Variants in MRAP observed in about 807,000 individuals in gnomAD.
MRAP encodes melanocortin 2 receptor accessory protein, also known as melanocortin-2 receptor accessory protein.
In MRAP, 8 loss-of-function variants were observed where a neutral mutation model predicts 8.7. That is an observed-to-expected ratio of 0.92 (90% CI 0.54 to 1.66). The LOEUF (loss-of-function observed/expected upper bound fraction) is 1.66, where lower values mean the gene tolerates loss of function less well. Among genes scored for constraint, MRAP ranks in the 40% most tolerant of loss-of-function variants. The pLI is 0.00. For missense variants in MRAP, 237 were observed against 217.1 expected (o/e 1.09, Z -0.58); for synonymous variants, 95 against 95.5 (o/e 1.00, Z 0.03).
downstream of MRAP, chr21:32,314,682 G>C (rs146921552): frequency 1.2e-6 from 2 of 1,601,762 alleles, no homozygotes; most frequent in Non-Finnish European, 8.6e-7. Flanking sequence ...TCATGGCCTA[G>C]AAGTCCCCAC....
chr21:32,308,816 G>A (rs954985417), intron 2 of MRAP: 1 of 152,668 alleles, frequency 6.6e-6, no homozygotes, highest in African/African-American at 2.4e-5. Context: ...TCCAGGAGGA[G>A]GACTAGGGCT....
chr21:32,306,097 A>G (rs1041627725), intron 1 of MRAP, among the ~76,000 whole-genome samples: 4 of 152,154 alleles, frequency 2.6e-5, no homozygotes, highest in African/African-American at 9.7e-5. Context: ...TCCAGGCATG[A>G]GCAGACCTAG....
At chr21:32,302,411 A>G (rs1380307528) in intron 1 of MRAP, among the ~76,000 whole-genome samples, 1 of 152,256 alleles carries the variant, frequency 6.6e-6, no homozygotes, top group Non-Finnish European at 1.5e-5. Flanking sequence ...ACTCCATGGT[A>G]GAGAGAGGAT....
chr21:32,303,355 GTTTA>G (rs2032332833), intron 1 of MRAP, among the ~76,000 whole-genome samples: 1 of 152,158 alleles, frequency 6.6e-6, no homozygotes, highest in South Asian at 2.1e-4. Flanking sequence ...TGCTAAAACT[GTTTA>G]TTTAACAAAA....
At chr21:32,312,347 T>C (rs1342929478), downstream of MRAP, 7 of 1,208,714 alleles carry the variant, frequency 5.8e-6, no homozygotes, top group Non-Finnish European at 2.1e-6. Flanking sequence ...TAATGCGTTA[T>C]CAGCCCTGAG....
intron 1 of MRAP, among the ~76,000 whole-genome samples, chr21:32,305,171 A>C (rs2032385546): frequency 6.6e-6 from 1 of 151,758 alleles, no homozygotes; most frequent in South Asian, 2.1e-4. Flanking sequence ...GGGTCTTGCT[A>C]TGTTGTCCAG....
rs767344189 is a variant in MRAP at position 32,306,613 on chromosome 21, GC to G, written c.107-26del. The stretch of plus-strand genomic sequence containing the variant: ...TTGCTTTATGTTGACATAACCCAGC[GC>G]TGAGATGCATCTCCTCCTCCCGCAG... On this transcript the variant is annotated intron_variant, in intron 1 of 2. Coordinates refer to ENST00000303645, the MANE Select transcript of MRAP (RefSeq NM_001379228.1). 57 of 1,600,500 alleles carry G rather than the reference GC, an allele frequency of 3.6e-5. No homozygotes were observed. In the Admixed American group the frequency reaches 9.5e-4, roughly 27 times the overall value.
At chr21:32,304,074 C>T (rs1466037395) in intron 1 of MRAP, among the ~76,000 whole-genome samples, 3 of 152,164 alleles carry the variant, frequency 2.0e-5, no homozygotes, top group African/African-American at 7.2e-5. Flanking sequence ...TCCCTTAGAT[C>T]CCTGGTAGAA....
At chr21:32,293,607 G>A (rs1035731677) in intron 2 of MRAP, among the ~76,000 whole-genome samples, 10 of 152,000 alleles carry the variant, frequency 6.6e-5, no homozygotes, top group African/African-American at 1.2e-4. Context: ...CGTTTGTGCC[G>A]TCTCCCTCTC....
intron 1 of MRAP, 126 bp from the exon 2 acceptor site, chr21:32,306,514 G>A: frequency 1.3e-6 from 1 of 746,070 alleles, no homozygotes; most frequent in Non-Finnish European, 2.4e-6. Context: ...GGTAACAGCT[G>A]AGAGGCTGGA....
intron 1 of MRAP, among the ~76,000 whole-genome samples, chr21:32,299,987 C>G (rs1169010370): frequency 2.0e-5 from 3 of 152,174 alleles, no homozygotes; most frequent in Non-Finnish European, 4.4e-5. Context: ...AGAAACAAAA[C>G]AAAAACAAAG....
At chr21:32,295,991 A>T (rs1418753724), upstream of MRAP, among the ~76,000 whole-genome samples, 2 of 152,130 alleles carry the variant, frequency 1.3e-5, no homozygotes, top group Non-Finnish European at 2.9e-5. Context: ...ACAAAACAAA[A>T]CAAAACAAAA....
upstream of MRAP, among the ~76,000 whole-genome samples, chr21:32,297,479 C>T (rs923362366): frequency 5.3e-5 from 8 of 152,206 alleles, no homozygotes; most frequent in Admixed American, 6.5e-5. Context: ...AGGGTGTGCA[C>T]CTGGATCAGG....
chr21:32,297,414 C>T (rs1408141488), upstream of MRAP, among the ~76,000 whole-genome samples: 2 of 152,180 alleles, frequency 1.3e-5, no homozygotes, highest in Non-Finnish European at 2.9e-5. Flanking sequence ...TACAAAAACC[C>T]TCCTCAAGGG....
intron 1 of MRAP, 69 bp downstream of exon 1, chr21:32,299,146 C>A: frequency 1.6e-6 from 2 of 1,213,074 alleles, no homozygotes; most frequent in South Asian, 2.5e-5. Context: ...TGGGCACTCC[C>A]GGCTTTCTCT....
upstream of MRAP, among the ~76,000 whole-genome samples, chr21:32,293,857 GCA>G (rs1469108020): frequency 6.6e-6 from 1 of 151,532 alleles, no homozygotes; most frequent in African/African-American, 2.4e-5. Flanking sequence ...TGTCAAAGGG[GCA>G]ACATTTTTTT....
chr21:32,305,204 C>T (rs1276404696), intron 1 of MRAP, among the ~76,000 whole-genome samples: 2 of 151,952 alleles, frequency 1.3e-5, no homozygotes, highest in African/African-American at 2.4e-5. Flanking sequence ...CTCCTGGACT[C>T]GAGTGATCCA....
downstream of MRAP, chr21:32,314,740 T>A: frequency 5.4e-6 from 8 of 1,468,712 alleles, no homozygotes; most frequent in Non-Finnish European, 7.6e-6. Context: ...GAGTTTATCA[T>A]TTACTGGGCA....
chr21:32,300,741 AGTGTGTCGTGCGTCCTATGT>A (rs2032263399), intron 1 of MRAP, among the ~76,000 whole-genome samples: 1 of 58,034 alleles, frequency 1.7e-5, no homozygotes, highest in Non-Finnish European at 3.9e-5. Flanking sequence ...GTCCTATGTC[AGTGTGTCGTGCGTCCTATGT>A]CAGGGGCGTC....
Sources: gnomAD v4.1 joint callset for allele counts (sites outside exome capture counted in the v4.1 genomes callset) on GRCh38, gnomAD v4.1.1 for gene constraint, MANE v1.5 for transcripts, NCBI Gene and HGNC (gene_info 2026-07-23, HGNC 2026-07-21) for gene names.